The following ADAT2 variants were observed in gnomAD, a reference collection of about 807,000 sequenced individuals.
ADAT2 encodes the protein tRNA-specific adenosine-34 deaminase catalytic subunit ADAT2.
In ADAT2, 26 loss-of-function variants were observed where a neutral mutation model predicts 25.9. The observed-to-expected ratio is 1.00, with a 90% CI of 0.74 to 1.39. The LOEUF is 1.39. Among genes scored for constraint, ADAT2 ranks in the 40% most tolerant of loss-of-function variants. ADAT2 has a pLI of 0.00. For synonymous variants in ADAT2, 76 were observed against 86.8 expected (o/e 0.88, Z 0.69); for missense variants, 220 against 244.8 (o/e 0.90, Z 0.68).
chr6:143,439,314 C>T (rs762282264), intron 1 of ADAT2, among the ~76,000 whole-genome samples: 1 of 131,408 alleles, frequency 7.6e-6, no homozygotes, highest in Non-Finnish European at 1.6e-5. Context: ...AATTCCACTC[C>T]TAAGTATTTA....
rs562501528 is a variant in ADAT2, at chr6:143,437,265, G to A, written c.201+1325C>T. 2.1e-4 allele frequency among the ~76,000 whole-genome samples: 32 copies of A among 152,242 alleles called. No homozygotes were observed. The South Asian group carries it at 3.5e-3, about 17-fold the overall frequency. On this transcript the variant is annotated intron_variant, in intron 2 of 5. Coordinates refer to ENST00000237283, the MANE Select transcript of ADAT2 (RefSeq NM_182503.3). The surrounding 1 kb of genome is among the most constrained non-coding windows in gnomAD (Gnocchi z 4.1). ...ATGTAAGCTTTCCCAGTGTTTGAAC[G>A]TTTCCCATTCCCTAAAACTGTTCAA... is the stretch of plus-strand genomic sequence containing the variant.
At chr6:143,438,720 GACGTAAT>G in intron 1 of ADAT2, 26 bp from the exon 2 acceptor site, 2 of 1,556,132 alleles carry the variant, frequency 1.3e-6, no homozygotes, top group Non-Finnish European at 1.8e-6. Flanking sequence ...GAAAATGTAA[GACGTAAT>G]ACTCCATACT....
Position 143,427,402 on chromosome 6 carries a change from T to C in ADAT2, c.*1061A>G, listed in dbSNP as rs1362916293. The stretch of plus-strand genomic sequence containing the variant: ...CTGGTGGAACGGCGAGGCCCCCTTC[T>C]GGGCAGAGGCACACAGTGCGCCCAG... On this transcript the variant is annotated 3_prime_UTR_variant, in exon 6 of 6. Transcript: ENST00000237283. The C allele has an allele frequency of 1.3e-5, 2 of 152,334 alleles. No homozygotes were observed. The highest frequency in any genetic ancestry group is 2.9e-5 in the Non-Finnish European group (2 of 68,054). 9.4% of individuals were successfully genotyped at this position (152,334 alleles called of 1,614,324 possible).
At chr6:143,445,050 A>C in intron 1 of ADAT2, 1 of 847,458 alleles carries the variant, frequency 1.2e-6, no homozygotes, top group Non-Finnish European at 1.7e-6. Flanking sequence ...AAAAGGCTAA[A>C]CTATATAACT....
rs376156012 is a variant in ADAT2, at chr6:143,428,528, A to G, written c.533-22T>C. On this transcript the variant is annotated intron_variant, in intron 5 of 5. Coordinates refer to ENST00000237283, the MANE Select transcript of ADAT2 (RefSeq NM_182503.3). The surrounding 1 kb of genome is among the most constrained non-coding windows in gnomAD (Gnocchi z 5.0). ...GGTGCTGTGAAAAGAATAGAAAAGA[A>G]AAAGAAAATGAAGAGGTAAGCTCAT... is the stretch of plus-strand genomic sequence containing the variant. 1.2e-6 allele frequency: 2 copies of G among 1,613,728 alleles called. No individual in the cohort carries two copies. The highest frequency in any genetic ancestry group is 1.1e-5 in the South Asian group (1 of 91,020).
chr6:143,431,277 CTG>C (rs2128739183), intron 4 of ADAT2, among the ~76,000 whole-genome samples: 1 of 152,360 alleles, frequency 6.6e-6, no homozygotes, highest in Non-Finnish European at 1.5e-5. Flanking sequence ...TGAGAAAGGA[CTG>C]TGTTTGTGCC....
intron 2 of ADAT2, among the ~76,000 whole-genome samples, chr6:143,435,443 G>T (rs1693042602): frequency 6.6e-6 from 1 of 152,180 alleles, no homozygotes; most frequent in Admixed American, 6.5e-5. Context: ...GTCTTTCTAT[G>T]CTGTAGTTAT....
intron 4 of ADAT2, among the ~76,000 whole-genome samples, chr6:143,429,941 C>T (rs1779057467): frequency 6.6e-6 from 1 of 152,170 alleles, no homozygotes; most frequent in Non-Finnish European, 1.5e-5. Flanking sequence ...CCTGCTCCTG[C>T]CTTCACTCCT....
At chr6:143,433,797 GTACGA>G in intron 3 of ADAT2, 29 bp downstream of exon 3, 2 of 1,606,058 alleles carry the variant, frequency 1.2e-6, no homozygotes, top group South Asian at 2.2e-5. Flanking sequence ...CACACGAATG[GTACGA>G]TACATTAACT....
intron 2 of ADAT2, 118 bp downstream of exon 2, chr6:143,438,472 C>A: frequency 3.4e-6 from 2 of 590,222 alleles, no homozygotes; most frequent in South Asian, 6.8e-5. Flanking sequence ...GAAAAGCTAC[C>A]CACCACTGGC....
At position 143,434,829 on chromosome 6, in the gene ADAT2, A is replaced by G. The variant is rs1779219959; in HGVS notation, c.202-848T>C. On this transcript the variant is annotated intron_variant, in intron 2 of 5. Transcript: ENST00000237283. The surrounding 1 kb of genome is among the most constrained non-coding windows in gnomAD (Gnocchi z 4.5). Reference sequence around the variant, plus strand: ...GATTCTATATGGAATAATTATTTATAATATTCATGACAATAGTATTTATCA... The same window carrying G: ...GATTCTATATGGAATAATTATTTATGATATTCATGACAATAGTATTTATCA... 6.6e-6 allele frequency among the ~76,000 whole-genome samples: 1 copy of G among 152,222 alleles called. No homozygotes were observed. The highest frequency in any genetic ancestry group is 1.5e-5 in the Non-Finnish European group (1 of 68,042).
Position 143,437,089 on chromosome 6 carries a change from G to A in ADAT2, c.201+1501C>T, listed in dbSNP as rs1779310578. ...GATAAAAAAGTTTTTTTGGGGGGCTGACATATTAACTACAGATTTTCTATG... is the reference window on the plus strand; with the variant it reads ...GATAAAAAAGTTTTTTTGGGGGGCTAACATATTAACTACAGATTTTCTATG... On this transcript the variant is annotated intron_variant, in intron 2 of 5. Coordinates refer to ENST00000237283, the MANE Select transcript of ADAT2 (RefSeq NM_182503.3). The surrounding 1 kb of genome is among the most constrained non-coding windows in gnomAD (Gnocchi z 4.1). 6.6e-6 allele frequency among the ~76,000 whole-genome samples: 1 copy of A among 152,028 alleles called. No homozygotes were observed. Among genetic ancestry groups the A allele is most frequent in the African/African-American group, 2.4e-5 (1 of 41,384 alleles).
intron 4 of ADAT2, among the ~76,000 whole-genome samples, chr6:143,430,491 A>G (rs1181461934): frequency 6.6e-6 from 1 of 152,182 alleles, no homozygotes; most frequent in Non-Finnish European, 1.5e-5. Context: ...ACACACCAAT[A>G]TAATATATTA....
In ADAT2 at chr6:143,440,738, C is replaced by T. The variant is rs368909411; in HGVS notation, c.97-2044G>A. Among the ~76,000 whole-genome samples the T allele has an allele frequency of 7.2e-5, 11 of 152,044 alleles. No homozygotes were observed. The highest frequency in any genetic ancestry group is 3.9e-4 in the East Asian group (2 of 5,194). Reference sequence around the variant, plus strand: ...ATAGAGAAGAAAGCCAGGAAGAAGACGGACAGTTAAGGAGAATGGAAATGC... The same window carrying T: ...ATAGAGAAGAAAGCCAGGAAGAAGATGGACAGTTAAGGAGAATGGAAATGC... On this transcript the variant is annotated intron_variant, in intron 1 of 5. Coordinates refer to ENST00000237283, the MANE Select transcript of ADAT2 (RefSeq NM_182503.3). This position sits in a 1 kb window ranked among gnomAD's most constrained non-coding sequence, Gnocchi z 4.5.
intron 1 of ADAT2, among the ~76,000 whole-genome samples, chr6:143,439,097 T>G (rs950452276): frequency 3.3e-5 from 5 of 152,134 alleles, no homozygotes; most frequent in Admixed American, 6.5e-5. Flanking sequence ...TCACTGAAAT[T>G]CCTTTGCTTC....
chr6:143,433,777 C>T, intron 3 of ADAT2, 54 bp downstream of exon 3: 1 of 1,510,690 alleles, frequency 6.6e-7, no homozygotes, highest in East Asian at 2.3e-5. Context: ...TGTTTGGCCA[C>T]TCTCTTGTTC....
chr6:143,446,064 A>G lies in ADAT2; in HGVS notation c.96+4499T>C, dbSNP rs889059327. ...GTGGAGAACTTAGCGATTAAAAAAA[A>G]AAAACCTCATGTATCAAAAAAAAAA... On this transcript the variant is annotated intron_variant, in intron 1 of 5. Coordinates refer to ENST00000237283, the MANE Select transcript of ADAT2 (RefSeq NM_182503.3). This position sits in a 1 kb window ranked among gnomAD's most constrained non-coding sequence, Gnocchi z 5.0. Among the ~76,000 whole-genome samples, 1 of 151,194 alleles carries G rather than the reference A, an allele frequency of 6.6e-6. No individual in the cohort carries two copies. Among genetic ancestry groups the G allele is most frequent in the African/African-American group, 2.4e-5 (1 of 40,994 alleles).
chr6:143,444,875 A>G lies in ADAT2; in HGVS notation c.96+5688T>C. On this transcript the variant is annotated intron_variant, in intron 1 of 5. Transcript: ENST00000237283. The surrounding 1 kb of genome is among the most constrained non-coding windows in gnomAD (Gnocchi z 4.3). ...TATTTTCTCCAAAGACATTACTACT[A>G]TAAACTGCTTTCTAGTGATGTCATG... 2 of 1,239,250 alleles carry G rather than the reference A, an allele frequency of 1.6e-6. No individual in the cohort carries two copies. Among genetic ancestry groups the G allele is most frequent in the South Asian group, 1.3e-5 (1 of 75,936 alleles). 76.8% of individuals were successfully genotyped at this position (1,239,250 alleles called of 1,614,324 possible).
chr6:143,449,734 A>C (rs1779704709), intron 1 of ADAT2: 1 of 152,154 alleles, frequency 6.6e-6, no homozygotes, highest in Non-Finnish European at 1.5e-5. Context: ...AAATGTATTT[A>C]CATGTGCTAG....
Sources: gnomAD v4.1 joint callset for allele counts (sites outside exome capture counted in the v4.1 genomes callset) on GRCh38, gnomAD v4.1.1 for gene constraint, Gnocchi (gnomAD v3.1) non-coding constraint, MANE v1.5 for transcripts, NCBI Gene and HGNC (gene_info 2026-07-23, HGNC 2026-07-21) for gene names.